SBF2: variants seen among roughly 807,000 people sequenced by gnomAD.
SBF2 encodes SET binding factor 2, also known as myotubularin-related protein 13.
Under a neutral mutation model 225.2 loss-of-function variants are expected in SBF2, and 112 were observed. The ratio of observed to expected loss-of-function variants is 0.50; its 90% CI spans 0.43 to 0.58. SBF2 has a LOEUF of 0.58. SBF2 is among the 20% of genes least tolerant of loss of function. The pLI, the probability that SBF2 is intolerant of heterozygous loss-of-function variation, is 0.00. For synonymous variants in SBF2, 763 were observed against 773.3 expected (o/e 0.99, Z 0.22); for missense variants, 1,996 against 2,206.2 (o/e 0.90, Z 1.91).
At chr11:9,793,318 C>T (rs528057591) in intron 33 of SBF2, among the ~76,000 whole-genome samples, 29 of 152,248 alleles carry the variant, frequency 1.9e-4, no homozygotes, top group African/African-American at 6.3e-4. Context: ...CCTTGATCTA[C>T]GGCTCTACCC....
chr11:9,876,586 G>A (rs1318293179), intron 17 of SBF2, among the ~76,000 whole-genome samples: 1 of 152,124 alleles, frequency 6.6e-6, no homozygotes, highest in East Asian at 1.9e-4. Context: ...TAGTGATAAG[G>A]CAGCCATCTG....
At chr11:10,058,585 T>C (rs1950331084) in intron 2 of SBF2, among the ~76,000 whole-genome samples, 1 of 152,182 alleles carries the variant, frequency 6.6e-6, no homozygotes, top group African/African-American at 2.4e-5. Context: ...ACGTGGAACA[T>C]ATATTTCAGG....
At chr11:9,872,818 AAAT>A (rs1013676852) in intron 17 of SBF2, among the ~76,000 whole-genome samples, 2 of 152,100 alleles carry the variant, frequency 1.3e-5, no homozygotes, top group Non-Finnish European at 2.9e-5. Flanking sequence ...GAGTTCGAGT[AAAT>A]AATAATAATA....
intron 2 of SBF2, among the ~76,000 whole-genome samples, chr11:10,143,144 T>C (rs1954725248): frequency 6.6e-6 from 1 of 152,184 alleles, no homozygotes; most frequent in Non-Finnish European, 1.5e-5. Context: ...CTCCTCCCAT[T>C]AATTTGACAT....
chr11:9,964,321 T>G (rs560524798), intron 14 of SBF2, among the ~76,000 whole-genome samples: 65 of 152,202 alleles, frequency 4.3e-4, no homozygotes, highest in Non-Finnish European at 8.4e-4. Flanking sequence ...GCATTGAAAG[T>G]ATTCCATATC....
chr11:9,900,661 A>G (rs1162677323), intron 16 of SBF2, among the ~76,000 whole-genome samples: 1 of 152,188 alleles, frequency 6.6e-6, no homozygotes, highest in Non-Finnish European at 1.5e-5. Context: ...CTTGCTGAGA[A>G]AAAGACAATT....
intron 13 of SBF2, among the ~76,000 whole-genome samples, chr11:9,969,223 G>T (rs10840337): frequency 0.22 from 33,643 of 152,102 alleles, 4,300 homozygotes; most frequent in Non-Finnish European, 0.3. Flanking sequence ...TTGTGGACTT[G>T]ACCTTTAAAA....
chr11:10,242,517 G>A (rs975854249), intron 1 of SBF2, among the ~76,000 whole-genome samples: 22 of 152,080 alleles, frequency 1.4e-4, no homozygotes, highest in African/African-American at 4.3e-4. Flanking sequence ...CACGTTAAAT[G>A]TAAAATTCAC....
At chr11:9,998,023 T>C (rs538679490) in intron 9 of SBF2, among the ~76,000 whole-genome samples, 36 of 152,348 alleles carry the variant, frequency 2.4e-4, no homozygotes, top group Non-Finnish European at 4.0e-4. Flanking sequence ...TACTAGGTCC[T>C]GTATGCTGAA....
At chr11:9,829,679 TCCA>T (rs1314008077) in intron 27 of SBF2, 183 bp from the exon 28 acceptor site, 2 of 586,018 alleles carry the variant, frequency 3.4e-6, no homozygotes, top group Non-Finnish European at 6.1e-6. Context: ...TGGCTAATCC[TCCA>T]CTGTAATGCT....
At chr11:10,213,310 C>T (rs1337181029) in intron 1 of SBF2, among the ~76,000 whole-genome samples, 1 of 152,150 alleles carries the variant, frequency 6.6e-6, no homozygotes, top group East Asian at 1.9e-4. Flanking sequence ...CCTAACTCCC[C>T]AAGTTTGGCA....
intron 16 of SBF2, among the ~76,000 whole-genome samples, chr11:9,935,376 T>C (rs1051235727): frequency 9.9e-5 from 15 of 152,188 alleles, no homozygotes; most frequent in African/African-American, 3.4e-4. Context: ...ATGGCCATAC[T>C]GCCCAAGGTA....
chr11:9,899,712 C>T lies in SBF2; in HGVS notation c.1861-3701G>A, dbSNP rs1041938193. 1.1e-4 allele frequency among the ~76,000 whole-genome samples: 17 copies of T among 152,004 alleles called. No homozygotes were observed. In the South Asian group the frequency reaches 1.7e-3, roughly 15 times the overall value. On this transcript the variant is annotated intron_variant, in intron 16 of 39. Coordinates refer to ENST00000256190, the MANE Select transcript of SBF2 (RefSeq NM_030962.4). ...CTAGTAGACTGAGGACTCTGAGATA[C>T]GTCTGGTAGTCAATATGGTCCCCAT...
intron 2 of SBF2, among the ~76,000 whole-genome samples, chr11:10,080,220 C>A (rs1006863394): frequency 1.4e-5 from 2 of 143,076 alleles, no homozygotes; most frequent in Non-Finnish European, 3.0e-5. Context: ...TGCACTCCAG[C>A]CTGGAAAATA....
At position 10,133,539 on chromosome 11, in the gene SBF2, C is replaced by T. The variant is rs111714174; in HGVS notation, c.141+60363G>A. Among the ~76,000 whole-genome samples the T allele has an allele frequency of 2.5e-3, 341 of 134,852 alleles. 62 individuals carry two copies. In the South Asian group the frequency reaches 0.027, roughly 11 times the overall value. 88.5% of individuals were successfully genotyped at this position (134,852 alleles called of 152,430 possible). ...GGACTCAGTACACCCTCCGCAGCCA[C>T]TGGCCTGGGTGCTAAGTCCCCCATT... On this transcript the variant is annotated intron_variant, in intron 2 of 39. Transcript: ENST00000256190.
intron 17 of SBF2, among the ~76,000 whole-genome samples, chr11:9,881,747 A>G (rs1049459065): frequency 1.6e-4 from 24 of 152,014 alleles, no homozygotes; most frequent in African/African-American, 1.9e-4. Flanking sequence ...TCCCCCCCCA[A>G]TTAAACAAAT....
chr11:9,869,786 C>T (rs767834386), intron 17 of SBF2, among the ~76,000 whole-genome samples: 6 of 152,068 alleles, frequency 3.9e-5, no homozygotes, highest in South Asian at 4.1e-4. Flanking sequence ...CTTTGAAAAC[C>T]GGAACAAGAC....
At chr11:9,968,214 A>G (rs1375475931) in intron 14 of SBF2, 127 bp downstream of exon 14, 1 of 825,456 alleles carries the variant, frequency 1.2e-6, no homozygotes, top group Non-Finnish European at 2.0e-6. Flanking sequence ...GAGTATTGAT[A>G]ATGCTCTGAT....
intron 1 of SBF2, among the ~76,000 whole-genome samples, chr11:10,260,363 C>T (rs1469789646): frequency 1.3e-5 from 2 of 152,102 alleles, no homozygotes; most frequent in Non-Finnish European, 2.9e-5. Context: ...GCAGGAGGAT[C>T]ACTTGAGGCC....
Sources: allele counts gnomAD v4.1 joint callset (sites outside exome capture counted in the v4.1 genomes callset), GRCh38; gene constraint gnomAD v4.1.1; transcripts MANE v1.5; gene names NCBI Gene and HGNC (gene_info 2026-07-23, HGNC 2026-07-21).